Variants in ATP9A observed in about 807,000 individuals in gnomAD.
ATP9A encodes the protein ATPase phospholipid transporting 9A.
ATP9A carries 52 observed loss-of-function variants against 144.1 expected under a neutral mutation model. That is an observed-to-expected ratio of 0.36 (90% CI 0.29 to 0.45). The LOEUF (loss-of-function observed/expected upper bound fraction) is 0.45, where lower values mean the gene tolerates loss of function less well. Ranked by LOEUF, ATP9A falls within the 20% of genes least tolerant of loss-of-function variation. ATP9A has a pLI of 1.00. For synonymous variants in ATP9A, 582 were observed against 557.4 expected, an observed-to-expected ratio of 1.04 and a Z score of -0.62; for missense variants, 947 against 1,392.7, an observed-to-expected ratio of 0.68 and a Z score of 5.09.
intron 26 of ATP9A, 140 bp downstream of exon 26, chr20:51,607,387 G>T (rs2077167601): frequency 1.4e-6 from 1 of 690,618 alleles, no homozygotes; most frequent in Non-Finnish European, 2.5e-6. Flanking sequence ...GGGTGAGCAG[G>T]GTCTCCCCTG....
chr20:51,667,595 G>T (rs772830365), intron 13 of ATP9A, among the ~76,000 whole-genome samples: 2 of 152,184 alleles, frequency 1.3e-5, no homozygotes, highest in Non-Finnish European at 2.9e-5. Flanking sequence ...ACCAAGGCTA[G>T]ATCCCACTGC....
At chr20:51,610,234 A>G in intron 23 of ATP9A, 69 bp from the exon 24 acceptor site, 4 of 1,266,718 alleles carry the variant, frequency 3.2e-6, no homozygotes, top group East Asian at 4.6e-5. Context: ...CAGAATAAAA[A>G]TAACACCTGA....
At chr20:51,643,990 C>T (rs1439557937) in intron 14 of ATP9A, among the ~76,000 whole-genome samples, 1 of 151,976 alleles carries the variant, frequency 6.6e-6, no homozygotes, top group Non-Finnish European at 1.5e-5. Flanking sequence ...CAAAAACTAG[C>T]CAGGCATGAT....
intron 9 of ATP9A, among the ~76,000 whole-genome samples, chr20:51,683,269 T>TTTG (rs1201947426): frequency 4.0e-5 from 6 of 151,618 alleles, no homozygotes; most frequent in African/African-American, 1.5e-4. Context: ...TGTTTGTTTG[T>TTTG]TTTTATTTTT....
At chr20:51,681,714 G>A (rs981842472) in intron 9 of ATP9A, among the ~76,000 whole-genome samples, 23 of 152,178 alleles carry the variant, frequency 1.5e-4, no homozygotes, top group African/African-American at 5.1e-4. Context: ...GAGCCACCGC[G>A]CCCAGCCTCC....
At chr20:51,605,260 T>G (rs898564170) in intron 26 of ATP9A, among the ~76,000 whole-genome samples, 1 of 152,158 alleles carries the variant, frequency 6.6e-6, no homozygotes, top group Non-Finnish European at 1.5e-5. Flanking sequence ...AAAAAGGAAG[T>G]AAGGCAGGGA....
intron 13 of ATP9A, among the ~76,000 whole-genome samples, chr20:51,667,852 T>C (rs1483999158): frequency 6.7e-6 from 1 of 150,356 alleles, no homozygotes; most frequent in Non-Finnish European, 1.5e-5. Flanking sequence ...AGCCCAGGAG[T>C]TCAAGTCCAG....
chr20:51,671,932 G>C (rs563421060), intron 11 of ATP9A, among the ~76,000 whole-genome samples: 171 of 152,180 alleles, frequency 1.1e-3, no homozygotes, highest in African/African-American at 3.9e-3. Flanking sequence ...CAGAGTAGAT[G>C]GGATTACAGG....
chr20:51,758,348 C>G (rs1163142136), intron 1 of ATP9A, among the ~76,000 whole-genome samples: 1 of 151,952 alleles, frequency 6.6e-6, no homozygotes, highest in East Asian at 1.9e-4. Flanking sequence ...CATGAGTGAC[C>G]CTGAAGACAC....
In ATP9A at chr20:51,625,204, A is replaced by G; in HGVS notation, c.2004T>C (p.Asn668=). ...CAGCCCGCCCTACCTTGATGCCAGC[A>G]TTCCTCAGGGTCTCCAGCGTGGGCC... ...DVRPTLETLR[N]AGIKVWMLTG... The change falls in exon 18 of 28, where the codon AAT becomes AAC. Residue 668 remains asparagine, a synonymous_variant. Transcript: ENST00000338821. 1 of 1,612,544 alleles carries G rather than the reference A, an allele frequency of 6.2e-7. No individual in the cohort carries two copies. The highest frequency in any genetic ancestry group is 8.5e-7 in the Non-Finnish European group (1 of 1,179,742).
At chr20:51,712,854 C>T in intron 4 of ATP9A, 112 bp downstream of exon 4, 1 of 919,326 alleles carries the variant, frequency 1.1e-6, no homozygotes, top group Non-Finnish European at 1.7e-6. Context: ...AGCGACTGTT[C>T]CGCCACGTGG....
rs1169037482 is a variant in ATP9A at position 51,752,070 on chromosome 20, G to GA, written c.68+16231dup. Among the ~76,000 whole-genome samples, 27 of 148,846 alleles carry GA rather than the reference G, an allele frequency of 1.8e-4. 1 individual carries two copies. Among genetic ancestry groups the GA allele is most frequent in the African/African-American group, 5.9e-4 (24 of 40,464 alleles). On this transcript the variant is annotated intron_variant, in intron 1 of 27. Transcript: ENST00000338821. ...AACAACAACAAAAAAAAAAAAACAAGAAAAAAAAAATATATGCTACTCAGC... is the reference window on the plus strand; with the variant it reads ...AACAACAACAAAAAAAAAAAAACAAGAAAAAAAAAAATATATGCTACTCAGC...
chr20:51,715,529 T>C (rs1268018209), intron 3 of ATP9A, among the ~76,000 whole-genome samples: 4 of 152,212 alleles, frequency 2.6e-5, no homozygotes, highest in African/African-American at 7.2e-5. Flanking sequence ...TAAATCCCAT[T>C]GATGTTCATG....
chr20:51,736,507 TTTTG>T (rs1439303174), intron 1 of ATP9A, among the ~76,000 whole-genome samples: 3 of 60,076 alleles, frequency 5.0e-5, no homozygotes, highest in African/African-American at 1.4e-4. Flanking sequence ...TTTTTTTGTC[TTTTG>T]TTTTTGTTTT....
intron 10 of ATP9A, among the ~76,000 whole-genome samples, chr20:51,675,544 C>T (rs2077473333): frequency 1.3e-5 from 2 of 152,170 alleles, no homozygotes; most frequent in African/African-American, 4.8e-5. Flanking sequence ...AAGGGTGAAA[C>T]ACAAGGCGTG....
In ATP9A at chr20:51,619,059, G is replaced by A; in HGVS notation, c.2116-16C>T. 1.2e-6 allele frequency: 2 copies of A among 1,603,782 alleles called. No homozygotes were observed. The highest frequency in any genetic ancestry group is 8.5e-7 in the Non-Finnish European group (1 of 1,170,692). ...GGTTGGTCACCTGGAAGGGAACAGA[G>A]ATGGGGAAGGAGGCATTGCTCTCCG... is the stretch of plus-strand genomic sequence containing the variant. On this transcript the variant is annotated splice_polypyrimidine_tract_variant and intron_variant, in intron 19 of 27. Transcript: ENST00000338821.
intron 1 of ATP9A, among the ~76,000 whole-genome samples, chr20:51,765,124 AT>A (rs2077898019): frequency 6.6e-6 from 1 of 152,024 alleles, no homozygotes; most frequent in South Asian, 2.1e-4. Flanking sequence ...CCCATTACAT[AT>A]TACTTTTTTC....
At chr20:51,604,431 G>A (rs577845391) in intron 27 of ATP9A, among the ~76,000 whole-genome samples, 11 of 152,098 alleles carry the variant, frequency 7.2e-5, no homozygotes, top group Non-Finnish European at 1.3e-4. Context: ...TCTGGGGCTC[G>A]GCACCTCCCA....
intron 19 of ATP9A, among the ~76,000 whole-genome samples, chr20:51,619,741 G>C (rs1180160000): frequency 6.6e-6 from 1 of 151,280 alleles, no homozygotes; most frequent in African/African-American, 2.4e-5. Flanking sequence ...GGTGGCACAT[G>C]CCTATAATCC....
Sources: gnomAD v4.1 joint callset for allele counts (sites outside exome capture counted in the v4.1 genomes callset) on GRCh38, gnomAD v4.1.1 for gene constraint, MANE v1.5 for transcripts, NCBI Gene and HGNC (gene_info 2026-07-23, HGNC 2026-07-21) for gene names.